Variants in RNF216 observed in about 807,000 individuals in gnomAD.
RNF216 encodes E3 ubiquitin-protein ligase RNF216.
RNF216 carries 72 observed loss-of-function variants against 110.8 expected under a neutral mutation model. The ratio of observed to expected loss-of-function variants is 0.65; its 90% CI spans 0.54 to 0.79. The LOEUF is 0.79. RNF216 is among the 30% of genes least tolerant of loss of function. The pLI is 0.00. For synonymous variants in RNF216, 495 were observed against 407.5 expected (o/e 1.21, Z -2.59); for missense variants, 1,342 against 1,141.2 (o/e 1.18, Z -2.54).
At chr7:5,769,707 G>C (rs1476257176) in intron 1 of RNF216, among the ~76,000 whole-genome samples, 2 of 151,350 alleles carry the variant, frequency 1.3e-5, no homozygotes, top group Non-Finnish European at 2.9e-5. Context: ...CTGGGAGACA[G>C]TGAGAGCTGT....
In RNF216 at chr7:5,683,621, C is replaced by G. The variant is rs1023501344; in HGVS notation, c.2061+28140G>C. Among the ~76,000 whole-genome samples the G allele has an allele frequency of 1.2e-4, 19 of 152,266 alleles. 1 individual carries two copies. The highest frequency in any genetic ancestry group is 4.1e-4 in the South Asian group (2 of 4,822). On this transcript the variant is annotated intron_variant, in intron 13 of 16. Transcript: ENST00000389902. ...GGTGCCAGTTGCAATCCTGGCTCTACCCCTTTGAGTGCACACTTAACCTGG... is the reference window on the plus strand; with the variant it reads ...GGTGCCAGTTGCAATCCTGGCTCTAGCCCTTTGAGTGCACACTTAACCTGG...
intron 13 of RNF216, among the ~76,000 whole-genome samples, chr7:5,655,854 G>A (rs1162348239): frequency 2.0e-5 from 3 of 151,980 alleles, no homozygotes; most frequent in Admixed American, 1.3e-4. Context: ...ACGAAGAAAC[G>A]CTCTTGAATG....
intron 2 of RNF216, among the ~76,000 whole-genome samples, chr7:5,758,483 C>G (rs1795761431): frequency 6.6e-6 from 1 of 152,106 alleles, no homozygotes; most frequent in South Asian, 2.1e-4. Flanking sequence ...AGTGTGGGTC[C>G]CCTTATTTGC....
chr7:5,743,044 C>T (rs994315983), intron 3 of RNF216, among the ~76,000 whole-genome samples: 7 of 152,054 alleles, frequency 4.6e-5, no homozygotes, highest in South Asian at 2.1e-4. Flanking sequence ...AGGCGGATCA[C>T]GAGGTCAGGA....
chr7:5,771,739 G>A (rs10231534), intron 1 of RNF216, among the ~76,000 whole-genome samples: 63,230 of 152,004 alleles, frequency 0.42, 13,565 homozygotes, highest in East Asian at 0.76. Flanking sequence ...GGAGGTTGCA[G>A]TAGGCTGTGA....
intron 2 of RNF216, among the ~76,000 whole-genome samples, chr7:5,755,239 AAAGG>A (rs58341461): frequency 0.92 from 134,301 of 145,616 alleles, 62,009 homozygotes; most frequent in Middle Eastern, 0.94. Flanking sequence ...GGGAAGGATG[AAAGG>A]AAGGAAGGAA....
In RNF216 at chr7:5,770,024, CAAAAAAAAA is replaced by C. The variant is rs1163710982; in HGVS notation, c.-69-8895_-69-8887del. ...CTGGCTGACAGAGTGAGACCCATCT[CAAAAAAAAA>C]AAAAAAAAAAAAAAAAAAAAGACTG... On this transcript the variant is annotated intron_variant, in intron 1 of 16. Coordinates refer to ENST00000389902, the MANE Select transcript of RNF216 (RefSeq NM_207111.4). 3.3e-3 allele frequency among the ~76,000 whole-genome samples: 80 copies of C among 24,150 alleles called. 1 individual carries two copies. Among genetic ancestry groups the C allele is most frequent in the South Asian group, 0.017 (7 of 404 alleles). 15.8% of individuals were successfully genotyped at this position (24,150 alleles called of 152,430 possible).
At chr7:5,776,879 C>T (rs371114894) in intron 1 of RNF216, among the ~76,000 whole-genome samples, 1 of 111,110 alleles carries the variant, frequency 9.0e-6, no homozygotes, top group African/African-American at 3.6e-5. Flanking sequence ...CCAGCCTGTG[C>T]GACAGAGGGA....
rs1444600310 is a variant in RNF216 at position 5,642,645 on chromosome 7, TTTTTTG to T, written c.2160-1275_2160-1270del. On this transcript the variant is annotated intron_variant, in intron 14 of 16. Coordinates refer to ENST00000389902, the MANE Select transcript of RNF216 (RefSeq NM_207111.4). ...CACACCTGGCTTTCATGCCCGGCCATTTTTTGTATTTTTAGTAGAGATGAGGTTTCA... is the reference window on the plus strand; with the variant it reads ...CACACCTGGCTTTCATGCCCGGCCATTATTTTTAGTAGAGATGAGGTTTCA... Among the ~76,000 whole-genome samples, 28 of 147,480 alleles carry T rather than the reference TTTTTTG, an allele frequency of 1.9e-4. No homozygotes were observed. The South Asian group carries it at 5.6e-3, about 29-fold the overall frequency.
rs758943381 is a variant in RNF216 at position 5,641,151 on chromosome 7, T to C, written c.2382+3A>G. Reference sequence around the variant, plus strand: ...AGCAATAGGCAGCCATGTGTCTACTTACAGTGGGATCGGTCCAGAGAGAGC... The same window carrying C: ...AGCAATAGGCAGCCATGTGTCTACTCACAGTGGGATCGGTCCAGAGAGAGC... On this transcript the variant is annotated splice_donor_region_variant and intron_variant, in intron 15 of 16. Coordinates refer to ENST00000389902, the MANE Select transcript of RNF216 (RefSeq NM_207111.4). 1.2e-5 allele frequency: 19 copies of C among 1,607,412 alleles called. No homozygotes were observed. In the East Asian group the frequency reaches 4.2e-4, roughly 36 times the overall value.
At chr7:5,681,473 C>A (rs1261742243) in intron 13 of RNF216, among the ~76,000 whole-genome samples, 2 of 152,188 alleles carry the variant, frequency 1.3e-5, no homozygotes, top group Admixed American at 6.5e-5. Flanking sequence ...GTAGCCCTGA[C>A]CCAGTGTGCC....
At chr7:5,710,851 G>A (rs930396456) in intron 13 of RNF216, among the ~76,000 whole-genome samples, 2 of 152,178 alleles carry the variant, frequency 1.3e-5, no homozygotes, top group Non-Finnish European at 2.9e-5. Context: ...CAAGGGACAC[G>A]CTAGCACTCT....
At chr7:5,661,708 C>T (rs1789153304) in intron 13 of RNF216, among the ~76,000 whole-genome samples, 1 of 152,146 alleles carries the variant, frequency 6.6e-6, no homozygotes, top group Non-Finnish European at 1.5e-5. Flanking sequence ...GAGGCTGAGG[C>T]ATGAGAATCG....
At chr7:5,701,828 A>G (rs1033264566) in intron 13 of RNF216, among the ~76,000 whole-genome samples, 5 of 152,218 alleles carry the variant, frequency 3.3e-5, no homozygotes, top group African/African-American at 1.2e-4. Context: ...TAAGGGCTTC[A>G]AAAGAACTGT....
In RNF216 at chr7:5,701,568, G is replaced by A. The variant is rs577294578; in HGVS notation, c.2061+10193C>T. Among the ~76,000 whole-genome samples the A allele has an allele frequency of 5.9e-4, 90 of 152,342 alleles. No homozygotes were observed. In the South Asian group the frequency reaches 0.017, roughly 29 times the overall value. The stretch of plus-strand genomic sequence containing the variant: ...AAAGCTCTACGAGGTAGGTGCAACC[G>A]TTCTTATTGTACACGGAAAGGAAAT... On this transcript the variant is annotated intron_variant, in intron 13 of 16. Transcript: ENST00000389902.
intron 8 of RNF216, among the ~76,000 whole-genome samples, chr7:5,724,234 G>A (rs185782238): frequency 2.2e-4 from 34 of 152,292 alleles, no homozygotes; most frequent in African/African-American, 7.9e-4. Context: ...AAGAGGAGAA[G>A]GGCAGTCAGG....
In RNF216 at chr7:5,765,624, C is replaced by A. The variant is rs139448611; in HGVS notation, c.-69-4486G>T. On this transcript the variant is annotated intron_variant, in intron 1 of 16. Coordinates refer to ENST00000389902, the MANE Select transcript of RNF216 (RefSeq NM_207111.4). Reference sequence around the variant, plus strand: ...CAGCCAGGGTGAGAGCGAGACCCTGCCTCTGAAACAAACAAAAAGCATGAA... The same window carrying A: ...CAGCCAGGGTGAGAGCGAGACCCTGACTCTGAAACAAACAAAAAGCATGAA... Among the ~76,000 whole-genome samples, 52 of 150,818 alleles carry A rather than the reference C, an allele frequency of 3.4e-4. No homozygotes were observed. The East Asian group carries it at 9.8e-3, about 28-fold the overall frequency.
At chr7:5,739,402 CAA>C (rs1246424969) in intron 4 of RNF216, 50 bp from the exon 5 acceptor site, 1 of 1,544,916 alleles carries the variant, frequency 6.5e-7, no homozygotes, top group Non-Finnish European at 8.8e-7. Context: ...AGAATGGTTT[CAA>C]ATGGCAATAC....
chr7:5,649,624 A>AT (rs1250817979), intron 14 of RNF216: 1 of 152,134 alleles, frequency 6.6e-6, no homozygotes, highest in Non-Finnish European at 1.5e-5. Context: ...TCTCTCTAAA[A>AT]AAAAAAACAC....
Sources: allele counts gnomAD v4.1 joint callset (sites outside exome capture counted in the v4.1 genomes callset), GRCh38; gene constraint gnomAD v4.1.1; transcripts MANE v1.5; gene names NCBI Gene and HGNC (gene_info 2026-07-23, HGNC 2026-07-21).